Variants in PTPN21 observed in about 807,000 individuals in gnomAD.
The protein encoded by PTPN21 is tyrosine-protein phosphatase non-receptor type 21.
PTPN21 carries 77 observed loss-of-function variants against 131.8 expected under a neutral mutation model. The observed-to-expected ratio is 0.58, with a 90% CI of 0.49 to 0.71. The LOEUF is 0.71. PTPN21 is among the 30% of genes least tolerant of loss of function. PTPN21 has a pLI of 0.00. For synonymous variants in PTPN21, 715 were observed against 621.3 expected, an observed-to-expected ratio of 1.15 and a Z score of -2.24; for missense variants, 1,552 against 1,527.1, an observed-to-expected ratio of 1.02 and a Z score of -0.27.
chr14:88,541,974 G>C (rs1412384563), intron 2 of PTPN21, among the ~76,000 whole-genome samples: 1 of 152,134 alleles, frequency 6.6e-6, no homozygotes, highest in Non-Finnish European at 1.5e-5. Context: ...TTGGGGGAGA[G>C]AGTGGCTATG....
At position 88,545,926 on chromosome 14, in the gene PTPN21, A is replaced by C. The variant is rs890151993; in HGVS notation, c.180+4312T>G. ...AGAATGGCATGAACCTGGGAGACGG[A>C]GGTTGCAGTGAGCCGAGATCGCGCC... On this transcript the variant is annotated intron_variant, in intron 2 of 18. Transcript: ENST00000556564. 6.8e-5 allele frequency among the ~76,000 whole-genome samples: 10 copies of C among 146,018 alleles called. No individual in the cohort carries two copies. The East Asian group carries it at 2.2e-3, about 31-fold the overall frequency.
intron 2 of PTPN21, among the ~76,000 whole-genome samples, chr14:88,523,858 A>G (rs1350493010): frequency 1.3e-5 from 2 of 152,180 alleles, no homozygotes; most frequent in Admixed American, 1.3e-4. Flanking sequence ...TGTCAAAAAA[A>G]GAAAACAATT....
At position 88,468,867 on chromosome 14, in the gene PTPN21, C is replaced by G. The variant is rs368891554; in HGVS notation, c.3396+49G>C. On this transcript the variant is annotated intron_variant, in intron 18 of 18. Transcript: ENST00000556564. ...TTAAGTCACTATGTCCCTCTCTTCC[C>G]CAGCCTCATTTCCACCCAAAAAGGC... 13 of 1,611,756 alleles carry G rather than the reference C, an allele frequency of 8.1e-6. No homozygotes were observed. In the African/African-American group the frequency reaches 1.6e-4, roughly 20 times the overall value.
chr14:88,499,910 T>C (rs1193415920), intron 8 of PTPN21, among the ~76,000 whole-genome samples: 1 of 152,170 alleles, frequency 6.6e-6, no homozygotes, highest in African/African-American at 2.4e-5. Context: ...ATAAAGGAAA[T>C]TAAAATCACC....
chr14:88,519,905 A>C (rs1466147210), intron 2 of PTPN21, among the ~76,000 whole-genome samples: 1 of 152,146 alleles, frequency 6.6e-6, no homozygotes, highest in East Asian at 1.9e-4. Context: ...CACCATCACT[A>C]ATTTATGAAG....
Position 88,479,371 on chromosome 14 carries a change from G to C in PTPN21, c.2060C>G (p.Pro687Arg). The C allele has an allele frequency of 6.2e-7, 1 of 1,611,052 alleles. No individual in the cohort carries two copies. Among genetic ancestry groups the C allele is most frequent in the Non-Finnish European group, 8.5e-7 (1 of 1,179,606 alleles). ...VFTERTQREG[P>R]EEAEGLRYGH... The stretch of plus-strand genomic sequence containing the variant: ...GTACCTCAAGCCCTCCGCCTCCTCC[G>C]GCCCTTCTCGCTGTGTCCTCTCGGT... Residue 687 changes from proline (P) to arginine (R), a missense_variant, in exon 13 of 19, where the codon CCG becomes CGG. Physicochemically the swap from Pro to Arg is moderately radical, Grantham distance 103. Transcript: ENST00000556564.
intron 15 of PTPN21, among the ~76,000 whole-genome samples, chr14:88,471,992 C>T (rs970527745): frequency 6.6e-6 from 1 of 151,854 alleles, no homozygotes; most frequent in South Asian, 2.1e-4. Flanking sequence ...AGAGTGGTTT[C>T]GCACATGGAG....
At chr14:88,520,286 G>A (rs1009357565) in intron 2 of PTPN21, among the ~76,000 whole-genome samples, 2 of 151,966 alleles carry the variant, frequency 1.3e-5, no homozygotes, top group Non-Finnish European at 2.9e-5. Context: ...ATGTGGTAGC[G>A]TGTGCCTGTA....
At chr14:88,490,859 T>C (rs1292366722) in intron 10 of PTPN21, among the ~76,000 whole-genome samples, 1 of 152,162 alleles carries the variant, frequency 6.6e-6, no homozygotes, top group African/African-American at 2.4e-5. Context: ...GGTTGAAGGA[T>C]ACCATCCTCC....
intron 14 of PTPN21, 102 bp downstream of exon 14, chr14:88,473,563 T>A: frequency 7.2e-7 from 1 of 1,382,602 alleles, no homozygotes; most frequent in Non-Finnish European, 9.9e-7. Context: ...CATTTATTAT[T>A]AAATTGTGTT....
chr14:88,471,595 CA>C (rs2077469784), intron 15 of PTPN21, among the ~76,000 whole-genome samples: 2 of 16,396 alleles, frequency 1.2e-4, no homozygotes, highest in Non-Finnish European at 2.3e-3. Context: ...AGCACTTCTT[CA>C]AAGAAAAAAA....
At chr14:88,553,460 T>C (rs141997356) in intron 1 of PTPN21, among the ~76,000 whole-genome samples, 105 of 152,262 alleles carry the variant, frequency 6.9e-4, no homozygotes, top group African/African-American at 1.9e-3. Context: ...CTGAAGATAA[T>C]AAAACCAAGA....
chr14:88,473,190 G>A (rs969753803), intron 14 of PTPN21, among the ~76,000 whole-genome samples: 3 of 152,148 alleles, frequency 2.0e-5, no homozygotes, highest in Non-Finnish European at 4.4e-5. Flanking sequence ...CTACCTCCAG[G>A]ATCCCGTTGT....
At chr14:88,501,113 G>C in intron 7 of PTPN21, 168 bp downstream of exon 7, 1 of 706,524 alleles carries the variant, frequency 1.4e-6, no homozygotes, top group Non-Finnish European at 2.5e-6. Context: ...CACAAAATGG[G>C]AATGTGTTTT....
At chr14:88,505,209 A>T (rs541939509) in intron 5 of PTPN21, 95 bp downstream of exon 5, 3 of 1,026,062 alleles carry the variant, frequency 2.9e-6, no homozygotes, top group East Asian at 4.9e-5. Context: ...TATTCCTGAC[A>T]GTAAGTCTAT....
At chr14:88,504,888 T>C (rs1265242245) in intron 5 of PTPN21, among the ~76,000 whole-genome samples, 1 of 152,256 alleles carries the variant, frequency 6.6e-6, no homozygotes, top group African/African-American at 2.4e-5. Flanking sequence ...CCATCAGTAA[T>C]GACTTTATAA....
chr14:88,542,062 GTC>G (rs1000852873), intron 2 of PTPN21, among the ~76,000 whole-genome samples: 1 of 152,170 alleles, frequency 6.6e-6, no homozygotes, highest in African/African-American at 2.4e-5. Flanking sequence ...AAATTTAAAG[GTC>G]AAAGTTCGAG....
chr14:88,482,677 G>A (rs1320557300), intron 12 of PTPN21, among the ~76,000 whole-genome samples: 1 of 152,026 alleles, frequency 6.6e-6, no homozygotes, highest in African/African-American at 2.4e-5. Flanking sequence ...GAAGCTCACA[G>A]AGGGAGGGAA....
At chr14:88,550,194 T>C in intron 2 of PTPN21, 44 bp downstream of exon 2, 1 of 1,578,758 alleles carries the variant, frequency 6.3e-7, no homozygotes, top group Non-Finnish European at 8.6e-7. Flanking sequence ...GATTACAGGC[T>C]TGAGCCACCC....
Sources: allele counts gnomAD v4.1 joint callset (sites outside exome capture counted in the v4.1 genomes callset), GRCh38; gene constraint gnomAD v4.1.1; transcripts MANE v1.5; gene names NCBI Gene and HGNC (gene_info 2026-07-23, HGNC 2026-07-21).